USH2A: variants seen among roughly 807,000 people sequenced by gnomAD.
USH2A encodes usherin.
In USH2A, 443 loss-of-function variants were observed where a neutral mutation model predicts 538.9. The ratio of observed to expected loss-of-function variants is 0.82; its 90% CI spans 0.76 to 0.89. The LOEUF (loss-of-function observed/expected upper bound fraction) is 0.89, where lower values mean the gene tolerates loss of function less well. Ranked by LOEUF, USH2A falls within the 40% of genes least tolerant of loss-of-function variation. The pLI, the probability that USH2A is intolerant of heterozygous loss-of-function variation, is 0.00. For missense variants in USH2A, 6,633 were observed against 6,324.8 expected, an observed-to-expected ratio of 1.05 and a Z score of -1.65; for synonymous variants, 2,413 against 2,273.5, an observed-to-expected ratio of 1.06 and a Z score of -1.75.
At chr1:216,279,894 G>C (rs1196298831) in intron 11 of USH2A, among the ~76,000 whole-genome samples, 1 of 152,070 alleles carries the variant, frequency 6.6e-6, no homozygotes, top group South Asian at 2.1e-4. Context: ...ACCATCACCT[G>C]TGGAGGTGGC....
At chr1:216,103,184 C>T (rs2032635114) in intron 21 of USH2A, among the ~76,000 whole-genome samples, 1 of 152,230 alleles carries the variant, frequency 6.6e-6, no homozygotes, top group African/African-American at 2.4e-5. Flanking sequence ...AGAAAGGGCA[C>T]AAGGCAGGCC....
intron 47 of USH2A, among the ~76,000 whole-genome samples, chr1:215,827,279 G>C (rs1663181609): frequency 6.6e-6 from 1 of 152,108 alleles, no homozygotes; most frequent in Non-Finnish European, 1.5e-5. Flanking sequence ...AATGTTTAGA[G>C]AACCAGGGAC....
intron 34 of USH2A, among the ~76,000 whole-genome samples, chr1:215,993,644 C>T (rs753626277): frequency 6.1e-4 from 93 of 152,182 alleles, no homozygotes; most frequent in Admixed American, 1.5e-3. Flanking sequence ...AATACAATTG[C>T]CTTTTATTTC....
chr1:216,159,209 T>C (rs2034006762), intron 21 of USH2A, among the ~76,000 whole-genome samples: 1 of 152,134 alleles, frequency 6.6e-6, no homozygotes, highest in Admixed American at 6.5e-5. Flanking sequence ...CTCTGGCTAG[T>C]ACTATACTTC....
At chr1:215,667,715 G>C (rs1657676711) in intron 64 of USH2A, among the ~76,000 whole-genome samples, 1 of 146,874 alleles carries the variant, frequency 6.8e-6, no homozygotes, top group Admixed American at 6.8e-5. Flanking sequence ...GAAGAAGAAG[G>C]AAAAAAACAA....
intron 58 of USH2A, among the ~76,000 whole-genome samples, chr1:215,748,477 T>G (rs758239822): frequency 3.3e-5 from 5 of 152,228 alleles, no homozygotes; most frequent in African/African-American, 4.8e-5. Context: ...ACATGAATTT[T>G]TAAGATAAAA....
At position 215,891,462 on chromosome 1, in the gene USH2A, A is replaced by G. The variant is rs892864457; in HGVS notation, c.7595-2408T>C. Among the ~76,000 whole-genome samples the G allele has an allele frequency of 4.6e-5, 7 of 152,282 alleles. No homozygotes were observed. The South Asian group carries it at 6.2e-4, about 14-fold the overall frequency. The stretch of plus-strand genomic sequence containing the variant: ...TAAGCCGAATCATCTAATTCTATAT[A>G]CAAATCAACTGGCCTGCAACTGCAT... On this transcript the variant is annotated intron_variant, in intron 40 of 71. Coordinates refer to ENST00000307340, the MANE Select transcript of USH2A (RefSeq NM_206933.4).
intron 64 of USH2A, among the ~76,000 whole-genome samples, chr1:215,655,527 T>C (rs1174776446): frequency 6.6e-6 from 1 of 152,062 alleles, no homozygotes; most frequent in Non-Finnish European, 1.5e-5. Flanking sequence ...GCTCCCAATT[T>C]CTCTCAACCC....
chr1:215,790,084 T>C lies in USH2A; in HGVS notation c.10157A>G (p.Lys3386Arg). Residue 3386 changes from lysine (K) to arginine (R), a missense_variant, in exon 51 of 72, where the codon AAG becomes AGG. By Grantham distance (26) the Lys-to-Arg change is conservative. Transcript: ENST00000307340. ...YNPLKYVCSDKISTGMMMKET... is the reference protein window; with the variant it reads ...YNPLKYVCSDRISTGMMMKET... Reference sequence around the variant, plus strand: ...CTTCATCATCATTCCAGTTGAAATCTTGTCAGAGCAAACATATTTCAAAGG... The same window carrying C: ...CTTCATCATCATTCCAGTTGAAATCCTGTCAGAGCAAACATATTTCAAAGG... The C allele has an allele frequency of 1.9e-6, 3 of 1,613,778 alleles. No individual in the cohort carries two copies. Among genetic ancestry groups the C allele is most frequent in the Non-Finnish European group, 2.5e-6 (3 of 1,179,972 alleles).
intron 44 of USH2A, among the ~76,000 whole-genome samples, chr1:215,849,799 C>T (rs538396007): frequency 2.0e-5 from 3 of 152,194 alleles, no homozygotes; most frequent in South Asian, 2.1e-4. Flanking sequence ...GACAATGGAA[C>T]AATTTCAACA....
chr1:215,693,334 T>G (rs1453371875), intron 61 of USH2A, among the ~76,000 whole-genome samples: 1 of 151,920 alleles, frequency 6.6e-6, no homozygotes, highest in Non-Finnish European at 1.5e-5. Context: ...GTGAGCAAAG[T>G]TTTTGCTCCT....
intron 37 of USH2A, among the ~76,000 whole-genome samples, chr1:215,955,629 C>T (rs920002456): frequency 1.3e-5 from 2 of 151,982 alleles, no homozygotes; most frequent in African/African-American, 4.8e-5. Flanking sequence ...ATTTTATTTG[C>T]AACCCGATTT....
At chr1:215,939,707 C>A (rs900512676) in intron 37 of USH2A, among the ~76,000 whole-genome samples, 2 of 152,158 alleles carry the variant, frequency 1.3e-5, no homozygotes, top group East Asian at 3.9e-4. Flanking sequence ...AAATGGGTAT[C>A]CTTTCCTATT....
chr1:216,161,836 T>A (rs962374529), intron 21 of USH2A, among the ~76,000 whole-genome samples: 5 of 152,124 alleles, frequency 3.3e-5, no homozygotes, highest in Admixed American at 3.3e-4. Context: ...AAAATAATTT[T>A]AGCATTTAAA....
chr1:216,027,150 G>A (rs1483173806), intron 32 of USH2A, among the ~76,000 whole-genome samples: 4 of 152,152 alleles, frequency 2.6e-5, no homozygotes, highest in Non-Finnish European at 5.9e-5. Context: ...ATTTGGGGAT[G>A]TGGTCTTTAA....
At chr1:215,976,399 T>C (rs1250564361) in intron 35 of USH2A, among the ~76,000 whole-genome samples, 2 of 152,132 alleles carry the variant, frequency 1.3e-5, no homozygotes, top group Non-Finnish European at 2.9e-5. Flanking sequence ...TGTTCTCAGA[T>C]AGAATGCTTC....
At chr1:216,233,903 C>G (rs1048746819) in intron 13 of USH2A, among the ~76,000 whole-genome samples, 2 of 152,012 alleles carry the variant, frequency 1.3e-5, no homozygotes, top group Non-Finnish European at 2.9e-5. Flanking sequence ...CACACATGCA[C>G]AGACCCATGG....
chr1:215,747,940 G>A (rs1295895546), intron 58 of USH2A, among the ~76,000 whole-genome samples: 1 of 150,052 alleles, frequency 6.7e-6, no homozygotes, highest in Non-Finnish European at 1.5e-5. Context: ...GCCGGACTGC[G>A]GACTGCAGTG....
chr1:215,848,371 A>T (rs1663921852), intron 44 of USH2A, among the ~76,000 whole-genome samples: 1 of 152,258 alleles, frequency 6.6e-6, no homozygotes, highest in African/African-American at 2.4e-5. Context: ...ACTTACGTAT[A>T]TAAATTAATT....
Sources: allele counts gnomAD v4.1 joint callset (sites outside exome capture counted in the v4.1 genomes callset), GRCh38; gene constraint gnomAD v4.1.1; transcripts MANE v1.5; gene names NCBI Gene and HGNC (gene_info 2026-07-23, HGNC 2026-07-21).